Variants in NSG2 observed in about 807,000 individuals in gnomAD.
NSG2 encodes the protein neuronal vesicle trafficking-associated protein 2.
A neutral mutation model predicts 16.9 loss-of-function variants in NSG2; 4 were observed. The ratio of observed to expected loss-of-function variants is 0.24; its 90% CI spans 0.12 to 0.54. The LOEUF is 0.54. NSG2 is among the 20% of genes least tolerant of loss of function. The pLI, the probability that NSG2 is intolerant of heterozygous loss-of-function variation, is 0.95. For synonymous variants in NSG2, 98 were observed against 88.7 expected, an observed-to-expected ratio of 1.11 and a Z score of -0.59; for missense variants, 179 against 221.1, an observed-to-expected ratio of 0.81 and a Z score of 1.21.
chr5:174,106,411 G>A lies in NSG2; in HGVS notation c.325-903G>A, dbSNP rs540234859. On this transcript the variant is annotated intron_variant, in intron 4 of 4. Coordinates refer to ENST00000303177, the MANE Select transcript of NSG2 (RefSeq NM_015980.5). ...ACAGCATGTTCGCCTCACACCTTTG[G>A]TGGAGTGTATTCTAGGGACACATGG... Among the ~76,000 whole-genome samples the A allele has an allele frequency of 4.6e-5, 7 of 152,084 alleles. No individual in the cohort carries two copies. In the South Asian group the frequency reaches 6.2e-4, roughly 14 times the overall value.
intron 3 of NSG2, among the ~76,000 whole-genome samples, chr5:174,083,092 G>T (rs979510513): frequency 1.3e-5 from 2 of 152,108 alleles, no homozygotes; most frequent in Non-Finnish European, 2.9e-5. Context: ...TCTCCACCTG[G>T]ATCCCCCTTT....
In NSG2 at chr5:174,107,679, A is replaced by G; in HGVS notation, c.*174A>G. 1 of 732,534 alleles carries G rather than the reference A, an allele frequency of 1.4e-6. No homozygotes were observed. Among genetic ancestry groups the G allele is most frequent in the South Asian group, 1.5e-5 (1 of 67,338 alleles). 45.4% of individuals were successfully genotyped at this position (732,534 alleles called of 1,614,324 possible). On this transcript the variant is annotated 3_prime_UTR_variant, in exon 5 of 5. Coordinates refer to ENST00000303177, the MANE Select transcript of NSG2 (RefSeq NM_015980.5). The surrounding 1 kb of genome is among the most constrained non-coding windows in gnomAD (Gnocchi z 4.5). ...CGTGGTGTGTGCTGGAGTTGTCTGAACCGATATTTCTTTTTGTTCCTTGGT... is the reference window on the plus strand; with the variant it reads ...CGTGGTGTGTGCTGGAGTTGTCTGAGCCGATATTTCTTTTTGTTCCTTGGT...
intron 2 of NSG2, among the ~76,000 whole-genome samples, chr5:174,062,395 A>T (rs1363350532): frequency 1.3e-5 from 2 of 152,198 alleles, no homozygotes; most frequent in Non-Finnish European, 2.9e-5. Flanking sequence ...TGCACAAAGT[A>T]TGAGAATTAT....
Position 174,107,554 on chromosome 5 carries a change from A to G in NSG2, c.*49A>G. 1 of 1,310,414 alleles carries G rather than the reference A, an allele frequency of 7.6e-7. No homozygotes were observed. Among genetic ancestry groups the G allele is most frequent in the Non-Finnish European group, 1.0e-6 (1 of 986,332 alleles). The allele number at this position is 1,310,414 out of a possible 1,614,324, so 81.2% of individuals were successfully genotyped here. A position where few individuals can be genotyped will look rare whatever the true frequency, so the allele number is the denominator to read the frequency against. ...GGGCGGGGTGGAGAGGAGGACCCCC[A>G]TTGGCTAAGCCAAGCTCCAGTTACA... On this transcript the variant is annotated 3_prime_UTR_variant, in exon 5 of 5. Transcript: ENST00000303177. The surrounding 1 kb of genome is among the most constrained non-coding windows in gnomAD (Gnocchi z 4.5).
intron 3 of NSG2, among the ~76,000 whole-genome samples, chr5:174,090,201 A>T (rs1046588373): frequency 6.6e-6 from 1 of 152,148 alleles, no homozygotes; most frequent in African/African-American, 2.4e-5. Context: ...GTGATCTCTT[A>T]CAGCAAAGGG....
chr5:174,099,194 C>T (rs1760860538), intron 3 of NSG2, among the ~76,000 whole-genome samples: 1 of 152,144 alleles, frequency 6.6e-6, no homozygotes, highest in African/African-American at 2.4e-5. Flanking sequence ...CTGAAACCTG[C>T]CTGTAGGAAA....
At chr5:174,067,609 A>C (rs1760165059) in intron 3 of NSG2, among the ~76,000 whole-genome samples, 1 of 152,260 alleles carries the variant, frequency 6.6e-6, no homozygotes, top group Non-Finnish European at 1.5e-5. Flanking sequence ...TCTTATGCTT[A>C]TGTAAAGCTG....
chr5:174,060,373 ATT>A (rs58018000), intron 2 of NSG2, among the ~76,000 whole-genome samples: 3 of 147,850 alleles, frequency 2.0e-5, no homozygotes, highest in South Asian at 2.1e-4. Context: ...ACTTCTTAAT[ATT>A]TTTTTTTTTT....
chr5:174,081,822 A>G (rs1760474378), intron 3 of NSG2, among the ~76,000 whole-genome samples: 1 of 149,174 alleles, frequency 6.7e-6, no homozygotes, highest in African/African-American at 2.5e-5. Flanking sequence ...CCCGGGAGGC[A>G]GAGCTTGCAG....
intron 3 of NSG2, among the ~76,000 whole-genome samples, chr5:174,087,935 G>A (rs997165997): frequency 7.2e-5 from 11 of 152,100 alleles, no homozygotes; most frequent in Non-Finnish European, 1.5e-4. Flanking sequence ...CTTCTCTAGG[G>A]ATTGACCCTA....
intron 2 of NSG2, among the ~76,000 whole-genome samples, chr5:174,054,177 T>C (rs1759933317): frequency 6.6e-6 from 1 of 152,332 alleles, no homozygotes; most frequent in East Asian, 1.9e-4. Flanking sequence ...AAGAGAATGG[T>C]GTGGAGTGAT....
intron 2 of NSG2, among the ~76,000 whole-genome samples, chr5:174,047,246 A>G (rs1759815414): frequency 6.6e-6 from 1 of 152,226 alleles, no homozygotes; most frequent in Non-Finnish European, 1.5e-5. Flanking sequence ...ATTTGAGGAC[A>G]GAGGATTGGA....
chr5:174,102,275 C>T (rs767835419), intron 3 of NSG2, among the ~76,000 whole-genome samples: 1 of 152,164 alleles, frequency 6.6e-6, no homozygotes, highest in Non-Finnish European at 1.5e-5. Flanking sequence ...CAGACAACTC[C>T]ATATTTTTGG....
At chr5:174,055,368 C>T (rs543145236) in intron 2 of NSG2, among the ~76,000 whole-genome samples, 104 of 151,984 alleles carry the variant, frequency 6.8e-4, no homozygotes, top group Non-Finnish European at 1.3e-3. Context: ...CCGAGGTGGG[C>T]GGATCACGAG....
chr5:174,053,739 C>A (rs1759927025), intron 2 of NSG2, among the ~76,000 whole-genome samples: 1 of 152,156 alleles, frequency 6.6e-6, no homozygotes, highest in Non-Finnish European at 1.5e-5. Context: ...AATTTAAAAA[C>A]ACAATCTTAA....
At chr5:174,065,524 T>A (rs1289926243) in intron 3 of NSG2, among the ~76,000 whole-genome samples, 1 of 152,098 alleles carries the variant, frequency 6.6e-6, no homozygotes, top group Non-Finnish European at 1.5e-5. Context: ...TGATTACATT[T>A]GGGTTTTAGA....
chr5:174,087,242 C>T (rs371542127), intron 3 of NSG2, among the ~76,000 whole-genome samples: 8 of 152,160 alleles, frequency 5.3e-5, no homozygotes, highest in African/African-American at 1.2e-4. Context: ...TTTTGGTTTG[C>T]GGATGGAGAG....
intron 3 of NSG2, among the ~76,000 whole-genome samples, chr5:174,078,176 G>A (rs541318618): frequency 6.6e-6 from 1 of 152,218 alleles, no homozygotes; most frequent in South Asian, 2.1e-4. Flanking sequence ...TTCCATCATT[G>A]CAGAAAGTTC....
chr5:174,065,154 C>T (rs949354963), intron 3 of NSG2, among the ~76,000 whole-genome samples: 4 of 152,036 alleles, frequency 2.6e-5, no homozygotes, highest in African/African-American at 9.7e-5. Context: ...CGGTGAAACC[C>T]CACCTCTACT....
Sources: gnomAD v4.1 joint callset for allele counts (sites outside exome capture counted in the v4.1 genomes callset) on GRCh38, gnomAD v4.1.1 for gene constraint, Gnocchi (gnomAD v3.1) non-coding constraint, MANE v1.5 for transcripts, NCBI Gene and HGNC (gene_info 2026-07-23, HGNC 2026-07-21) for gene names.